Variants in MORN5 observed in about 807,000 individuals in gnomAD.
MORN5 encodes the protein MORN repeat-containing protein 5.
In MORN5, 21 loss-of-function variants were observed where a neutral mutation model predicts 22.1. The observed-to-expected ratio is 0.95, with a 90% CI of 0.67 to 1.37. The LOEUF (loss-of-function observed/expected upper bound fraction) is 1.37, where lower values mean the gene tolerates loss of function less well. MORN5 is among the 40% of genes most tolerant of loss of function. The pLI is 0.00. For synonymous variants in MORN5, 73 were observed against 74.0 expected, an observed-to-expected ratio of 0.99 and a Z score of 0.07; for missense variants, 211 against 215.1, an observed-to-expected ratio of 0.98 and a Z score of 0.12.
chr9:122,195,286 CCT>C (rs1829863713), intron 4 of MORN5, among the ~76,000 whole-genome samples: 1 of 152,158 alleles, frequency 6.6e-6, no homozygotes, highest in Non-Finnish European at 1.5e-5. Flanking sequence ...GCTCAATTTC[CCT>C]GTTATGACTG....
At chr9:122,188,055 C>G (rs759117534) in intron 4 of MORN5, among the ~76,000 whole-genome samples, 3 of 152,140 alleles carry the variant, frequency 2.0e-5, no homozygotes, top group Non-Finnish European at 4.4e-5. Flanking sequence ...GTCAAGGAGG[C>G]CTCAGACTGG....
At chr9:122,168,858 C>T (rs1829325402) in intron 2 of MORN5, among the ~76,000 whole-genome samples, 1 of 152,104 alleles carries the variant, frequency 6.6e-6, no homozygotes, top group Non-Finnish European at 1.5e-5. Context: ...GATTGGCTCA[C>T]AAGATTATGG....
intron 4 of MORN5, among the ~76,000 whole-genome samples, chr9:122,177,819 A>T (rs566972128): frequency 6.6e-6 from 1 of 152,334 alleles, no homozygotes; most frequent in Admixed American, 6.5e-5. Flanking sequence ...TCTGTACAAC[A>T]TTAACAAATG....
intron 1 of MORN5, 138 bp from the exon 2 acceptor site, chr9:122,166,630 A>G (rs1180912029): frequency 3.2e-5 from 24 of 754,578 alleles, no homozygotes; most frequent in Non-Finnish European, 4.8e-5. Context: ...CAAAACAAAA[A>G]TTTTGTTTTC....
chr9:122,183,741 C>T (rs1485414637), intron 4 of MORN5, among the ~76,000 whole-genome samples: 2 of 152,152 alleles, frequency 1.3e-5, no homozygotes, highest in Non-Finnish European at 2.9e-5. Flanking sequence ...TTTCAAACAG[C>T]ATATAATTCC....
chr9:122,196,584 G>A (rs184039408), intron 4 of MORN5, among the ~76,000 whole-genome samples: 1 of 152,240 alleles, frequency 6.6e-6, no homozygotes, highest in East Asian at 1.9e-4. Context: ...ACCCACCTCA[G>A]CCTCCCAAAG....
chr9:122,164,354 C>A (rs1829246006), intron 1 of MORN5, among the ~76,000 whole-genome samples: 1 of 152,144 alleles, frequency 6.6e-6, no homozygotes, highest in Non-Finnish European at 1.5e-5. Context: ...TAAGAGGCAG[C>A]AGAACCCTGG....
chr9:122,197,322 GAGA>G lies in MORN5; in HGVS notation c.440-2560_440-2558del. 6.6e-6 allele frequency among the ~76,000 whole-genome samples: 1 copy of G among 152,278 alleles called. No homozygotes were observed. The highest frequency in any genetic ancestry group is 1.9e-4 in the East Asian group (1 of 5,184). On this transcript the variant is annotated intron_variant, in intron 4 of 4. Transcript: ENST00000373764. This position sits in a 1 kb window ranked among gnomAD's most constrained non-coding sequence, Gnocchi z 5.7. The stretch of plus-strand genomic sequence containing the variant: ...TACCAAAAAAGGGGAGAAATTATCT[GAGA>G]AGGTGAAGATATTCTCAGACAATCA...
intron 1 of MORN5, 23 bp downstream of exon 1, chr9:122,160,042 T>A: frequency 6.2e-7 from 1 of 1,604,456 alleles, no homozygotes; most frequent in Non-Finnish European, 8.5e-7. Context: ...TTTGATTCAC[T>A]TACTATACCT....
At chr9:122,175,951 A>G (rs10985559) in intron 4 of MORN5, among the ~76,000 whole-genome samples, 59,252 of 151,546 alleles carry the variant, frequency 0.39, 13,210 homozygotes, top group Non-Finnish European at 0.51. Flanking sequence ...CGTCTCTACT[A>G]AAAATGCAAA....
chr9:122,180,282 C>CTTTTTTTT (rs938997436), intron 4 of MORN5, among the ~76,000 whole-genome samples: 3 of 107,510 alleles, frequency 2.8e-5, no homozygotes, highest in Non-Finnish European at 5.5e-5. Flanking sequence ...ACATTTTCTT[C>CTTTTTTTT]TTTTTTTTTT....
intron 4 of MORN5, among the ~76,000 whole-genome samples, chr9:122,196,613 A>G (rs1967850): frequency 0.99 from 150,271 of 152,338 alleles, 74,123 homozygotes; most frequent in Middle Eastern, 1. Flanking sequence ...TTACAGGCGT[A>G]AGCCACCGCG....
At chr9:122,195,587 G>A (rs1453530000) in intron 4 of MORN5, among the ~76,000 whole-genome samples, 1 of 152,170 alleles carries the variant, frequency 6.6e-6, no homozygotes, top group Non-Finnish European at 1.5e-5. Flanking sequence ...TTGGGAGGAA[G>A]ATCACAGAAG....
At chr9:122,170,529 T>C (rs1025246034) in intron 3 of MORN5, among the ~76,000 whole-genome samples, 8 of 152,172 alleles carry the variant, frequency 5.3e-5, no homozygotes, top group African/African-American at 1.7e-4. Flanking sequence ...GCATGTGCTT[T>C]GTGTATCAGG....
chr9:122,176,627 C>G (rs935999645), intron 4 of MORN5, among the ~76,000 whole-genome samples: 1 of 152,154 alleles, frequency 6.6e-6, no homozygotes, highest in Non-Finnish European at 1.5e-5. Context: ...TGCCTGTAAT[C>G]CCAGCACTTT....
chr9:122,183,561 A>C (rs573554295), intron 4 of MORN5, among the ~76,000 whole-genome samples: 1 of 152,326 alleles, frequency 6.6e-6, no homozygotes, highest in African/African-American at 2.4e-5. Flanking sequence ...TGAGCATCCC[A>C]AATTAGTTTA....
chr9:122,176,846 C>T (rs1380149815), intron 4 of MORN5, among the ~76,000 whole-genome samples: 1 of 152,066 alleles, frequency 6.6e-6, no homozygotes, highest in African/African-American at 2.4e-5. Context: ...CCACTCCACT[C>T]CAGCCCGGGT....
intron 4 of MORN5, among the ~76,000 whole-genome samples, chr9:122,190,768 T>C (rs1447275253): frequency 6.6e-6 from 1 of 152,286 alleles, no homozygotes; most frequent in Non-Finnish European, 1.5e-5. Context: ...CCTTGGCCTC[T>C]GGCCACCACT....
chr9:122,160,087 C>T, intron 1 of MORN5, 68 bp downstream of exon 1: 1 of 1,457,676 alleles, frequency 6.9e-7, no homozygotes, highest in South Asian at 1.3e-5. Context: ...CGGCTTTTTG[C>T]TTCTGCGAAA....
Sources: gnomAD v4.1 joint callset for allele counts (sites outside exome capture counted in the v4.1 genomes callset) on GRCh38, gnomAD v4.1.1 for gene constraint, Gnocchi (gnomAD v3.1) non-coding constraint, MANE v1.5 for transcripts, NCBI Gene and HGNC (gene_info 2026-07-23, HGNC 2026-07-21) for gene names.